DIS3L: variants seen among roughly 807,000 people sequenced by gnomAD.
DIS3L encodes the protein DIS3 like exosome 3'-5' exoribonuclease.
Under a neutral mutation model 120.3 loss-of-function variants are expected in DIS3L, and 100 were observed. That is an observed-to-expected ratio of 0.83 (90% CI 0.71 to 0.98). The LOEUF (loss-of-function observed/expected upper bound fraction) is 0.98. Ranked by LOEUF, DIS3L falls within the 50% of genes least tolerant of loss-of-function variation. The probability of loss-of-function intolerance (pLI) is 0.00; values close to 1 mark genes in which losing one functional copy is unlikely to be tolerated. For missense variants in DIS3L, 1,196 were observed against 1,314.2 expected (o/e 0.91, Z 1.39); for synonymous variants, 426 against 470.6 (o/e 0.91, Z 1.23).
At chr15:66,320,850 G>C in intron 9 of DIS3L, 118 bp downstream of exon 9, 4 of 1,252,172 alleles carry the variant, frequency 3.2e-6, no homozygotes, top group Non-Finnish European at 4.4e-6. Flanking sequence ...TGAAGGCACA[G>C]ATAATGGAAA....
At chr15:66,324,767 A>C (rs563617070) in intron 11 of DIS3L, among the ~76,000 whole-genome samples, 4 of 152,046 alleles carry the variant, frequency 2.6e-5, no homozygotes, top group African/African-American at 7.2e-5. Context: ...ATTTTTTCGT[A>C]TGTTTGTCAC....
rs979811603 is a variant in DIS3L at position 66,328,823 on chromosome 15, T to C, written c.2202-147T>C. On this transcript the variant is annotated intron_variant, in intron 12 of 16. Coordinates refer to ENST00000319212, the MANE Select transcript of DIS3L (RefSeq NM_001143688.3). ...CGTAAAGCAAACTAGATTTCTGTAG[T>C]TGAAAAGAGGTGCTTCTGAAACGTG... 3.2e-5 allele frequency: 29 copies of C among 904,458 alleles called. No homozygotes were observed. The East Asian group carries it at 6.8e-4, about 21-fold the overall frequency. 56.0% of individuals were successfully genotyped at this position (904,458 alleles called of 1,614,324 possible).
chr15:66,314,701 A>C (rs896174594), intron 6 of DIS3L, among the ~76,000 whole-genome samples: 1 of 152,148 alleles, frequency 6.6e-6, no homozygotes, highest in Non-Finnish European at 1.5e-5. Flanking sequence ...TTGGCTGTGT[A>C]GGATCCTAAA....
At chr15:66,326,470 A>G in intron 12 of DIS3L, 106 bp downstream of exon 12, 1 of 1,261,384 alleles carries the variant, frequency 7.9e-7, no homozygotes, top group Non-Finnish European at 1.1e-6. Context: ...CCAAAAAGAG[A>G]AAACAGATTC....
intron 11 of DIS3L, among the ~76,000 whole-genome samples, chr15:66,324,113 A>G (rs976746822): frequency 6.6e-6 from 1 of 152,224 alleles, no homozygotes; most frequent in African/African-American, 2.4e-5. Flanking sequence ...GATATAATAC[A>G]TACATGAATA....
rs1566961210 is a variant in DIS3L, at chr15:66,329,381, TATC to T, written c.2519_2521del (p.Ile840del). On this transcript the variant is annotated inframe_deletion, in exon 14 of 17. Transcript: ENST00000319212. The stretch of plus-strand genomic sequence containing the variant: ...AAGATCTTGAGGAATTATGCAGACA[TATC>T]AACAACAGAAACCAAGTAAGAGGGA... The T allele has an allele frequency of 1.2e-6, 2 of 1,604,238 alleles. No individual in the cohort carries two copies. The highest frequency in any genetic ancestry group is 1.7e-5 in the Admixed American group (1 of 57,394).
intron 2 of DIS3L, among the ~76,000 whole-genome samples, chr15:66,299,719 G>A (rs1178150522): frequency 1.3e-5 from 2 of 152,106 alleles, no homozygotes; most frequent in Non-Finnish European, 2.9e-5. Flanking sequence ...CTTCCTAAGT[G>A]TATAACTAAG....
At chr15:66,298,163 A>C (rs28671570) in intron 2 of DIS3L, among the ~76,000 whole-genome samples, 38,411 of 145,918 alleles carry the variant, frequency 0.26, 5,614 homozygotes, top group South Asian at 0.32. Flanking sequence ...TGGGCAACAA[A>C]AGCAAGACTC....
At chr15:66,329,856 G>GAT (rs2140415318) in intron 14 of DIS3L, 1 of 968,046 alleles carries the variant, frequency 1.0e-6, no homozygotes. Context: ...AGATTGCAGT[G>GAT]GGCCGAGATC....
At chr15:66,300,325 G>T (rs928840654) in intron 2 of DIS3L, among the ~76,000 whole-genome samples, 1 of 152,216 alleles carries the variant, frequency 6.6e-6, no homozygotes, top group African/African-American at 2.4e-5. Context: ...TTCCATTTAT[G>T]TAAAATGTCC....
chr15:66,312,936 A>G (rs1211273196), intron 5 of DIS3L, among the ~76,000 whole-genome samples: 1 of 152,228 alleles, frequency 6.6e-6, no homozygotes. Flanking sequence ...CCAACTTAGT[A>G]GTAAAGTTTA....
intron 2 of DIS3L, among the ~76,000 whole-genome samples, chr15:66,297,957 A>G (rs1566933485): frequency 1.3e-5 from 2 of 152,126 alleles, no homozygotes; most frequent in African/African-American, 2.4e-5. Flanking sequence ...AGGCAGGTAG[A>G]TCACTTGAGG....
chr15:66,333,033 C>A lies in DIS3L; in HGVS notation c.2886C>A (p.Cys962Ter). The change falls in exon 17 of 17, where the codon TGC (cysteine) becomes TGA (stop). Residue 962 changes from cysteine (C) to a stop codon, truncating the protein, a stop_gained. Coordinates refer to ENST00000319212, the MANE Select transcript of DIS3L (RefSeq NM_001143688.3). LOFTEE classifies it high-confidence loss of function. Reference protein sequence around the residue: ...TVRISIQASRCHSDTIRLEII... With the variant: ...TVRISIQASR ...GAATATCCATACAGGCCTCACGTTG[C>A]CATTCTGATACAATCAGACTTGAAA... is the stretch of plus-strand genomic sequence containing the variant. The A allele has an allele frequency of 6.2e-7, 1 of 1,612,784 alleles. No individual in the cohort carries two copies. Among genetic ancestry groups the A allele is most frequent in the Non-Finnish European group, 8.5e-7 (1 of 1,179,662 alleles).
In DIS3L at chr15:66,326,269, T is replaced by A. The variant is rs1299388143; in HGVS notation, c.2106T>A (p.His702Gln). The A allele has an allele frequency of 6.2e-7, 1 of 1,614,018 alleles. No homozygotes were observed. The highest frequency in any genetic ancestry group is 8.5e-7 in the Non-Finnish European group (1 of 1,180,016). ...VAKKIWESFP[H>Q]QALLRQHPPP... Reference sequence around the variant, plus strand: ...AAAAGATCTGGGAGAGCTTCCCTCATCAGGCCTTGCTGCGCCAGCACCCTC... The same window carrying A: ...AAAAGATCTGGGAGAGCTTCCCTCAACAGGCCTTGCTGCGCCAGCACCCTC... Residue 702 changes from histidine to glutamine, a missense_variant, in exon 12 of 17, where the codon CAT becomes CAA. Coordinates refer to ENST00000319212, the MANE Select transcript of DIS3L (RefSeq NM_001143688.3).
intron 14 of DIS3L, chr15:66,330,522 T>C: frequency 1.0e-6 from 1 of 985,434 alleles, no homozygotes; most frequent in Non-Finnish European, 1.2e-6. Flanking sequence ...TCCAATGGTA[T>C]AGTTGTCTGC....
At position 66,312,014 on chromosome 15, in the gene DIS3L, C is replaced by T. The variant is rs2092768034; in HGVS notation, c.735+114C>T. The T allele has an allele frequency of 8.1e-6, 10 of 1,242,202 alleles. No individual in the cohort carries two copies. In the South Asian group the frequency reaches 1.3e-4, roughly 16 times the overall value. The allele number at this position is 1,242,202 out of a possible 1,614,324, so 76.9% of individuals were successfully genotyped here. On this transcript the variant is annotated intron_variant, in intron 5 of 16. Transcript: ENST00000319212. ...TTTAGCCCAGGAGCTGGAGACCAGACTGGGCAACATAGTGAAACCCTGTCT... is the reference window on the plus strand; with the variant it reads ...TTTAGCCCAGGAGCTGGAGACCAGATTGGGCAACATAGTGAAACCCTGTCT...
At chr15:66,293,423 C>CT, upstream of DIS3L, 4 of 1,177,944 alleles carry the variant, frequency 3.4e-6, no homozygotes, top group South Asian at 1.5e-4. Context: ...AGGGAAGAAA[C>CT]TAAGGCCGGG....
intron 14 of DIS3L, chr15:66,331,583 CAT>C (rs1302144950): frequency 6.2e-5 from 12 of 194,628 alleles, no homozygotes; most frequent in Non-Finnish European, 1.0e-4. Context: ...GCAAGTAAGA[CAT>C]GTGTAATACT....
chr15:66,311,727 TACCTGGAC>T lies in DIS3L; in HGVS notation c.564_571del (p.Tyr188Ter). On this transcript the variant is annotated frameshift_variant, in exon 5 of 17. Transcript: ENST00000319212. LOFTEE classifies it high-confidence loss of function. Reference sequence around the variant, plus strand: ...TCTGTGCCTTTATTAAATACAGAATTACCTGGACAATTTCTGGCCTGATTTAAAAGCTG... The same window carrying T: ...TCTGTGCCTTTATTAAATACAGAATTAATTTCTGGCCTGATTTAAAAGCTG... 6.2e-7 allele frequency: 1 copy of T among 1,613,906 alleles called. No individual in the cohort carries two copies. The highest frequency in any genetic ancestry group is 8.5e-7 in the Non-Finnish European group (1 of 1,179,910).
Sources: allele counts gnomAD v4.1 joint callset (sites outside exome capture counted in the v4.1 genomes callset), GRCh38; gene constraint gnomAD v4.1.1; transcripts MANE v1.5; gene names NCBI Gene and HGNC (gene_info 2026-07-23, HGNC 2026-07-21).